Variants in SMCHD1 observed in about 807,000 individuals in gnomAD.
SMCHD1 encodes the protein structural maintenance of chromosomes flexible hinge domain containing 1.
A neutral mutation model predicts 254.7 loss-of-function variants in SMCHD1; 78 were observed. That is an observed-to-expected ratio of 0.31 (90% CI 0.26 to 0.37). The LOEUF (loss-of-function observed/expected upper bound fraction) is 0.37. Among genes scored for constraint, SMCHD1 ranks in the 10% least tolerant of loss-of-function variants. The probability of loss-of-function intolerance (pLI) is 1.00; values close to 1 mark genes in which losing one functional copy is unlikely to be tolerated. For missense variants in SMCHD1, 1,840 were observed against 2,408.1 expected, an observed-to-expected ratio of 0.76 and a Z score of 4.94; for synonymous variants, 766 against 794.9, an observed-to-expected ratio of 0.96 and a Z score of 0.61.
intron 46 of SMCHD1, 121 bp downstream of exon 46, chr18:2,796,228 T>A: frequency 9.9e-7 from 1 of 1,008,382 alleles, no homozygotes; most frequent in Non-Finnish European, 1.4e-6. Flanking sequence ...CAAAAACTCT[T>A]AACCTCCAAG....
At chr18:2,723,698 G>C (rs760868942) in intron 20 of SMCHD1, among the ~76,000 whole-genome samples, 8 of 152,132 alleles carry the variant, frequency 5.3e-5, no homozygotes, top group Non-Finnish European at 8.8e-5. Flanking sequence ...CTTATCTGCT[G>C]TCCCTGGTTC....
intron 21 of SMCHD1, 116 bp downstream of exon 21, chr18:2,725,111 A>G (rs1387319702): frequency 3.6e-6 from 2 of 562,462 alleles, no homozygotes; most frequent in African/African-American, 1.9e-5. Context: ...GATGACAGTA[A>G]TTGGGTTCTT....
chr18:2,688,840 A>T (rs1288154162), intron 7 of SMCHD1, 93 bp downstream of exon 7: 1 of 793,632 alleles, frequency 1.3e-6, no homozygotes, highest in Non-Finnish European at 1.9e-6. Context: ...TTTCAAAATG[A>T]GTTACCCTTT....
At chr18:2,678,393 T>A (rs1335923277) in intron 5 of SMCHD1, among the ~76,000 whole-genome samples, 1 of 151,228 alleles carries the variant, frequency 6.6e-6, no homozygotes, top group African/African-American at 2.4e-5. Context: ...CTCCACCTCC[T>A]GGGTTCCAGC....
At position 2,728,544 on chromosome 18, in the gene SMCHD1, T is replaced by C. The variant is rs1404860769; in HGVS notation, c.2861T>C (p.Leu954Ser). The change falls in exon 23 of 48, where the codon TTA becomes TCA. Residue 954 changes from leucine to serine, a missense_variant. This residue lies in a region of SMCHD1 where 881 missense variants were observed against 1,009.5 expected (regional missense o/e 0.87). Coordinates refer to ENST00000320876, the MANE Select transcript of SMCHD1 (RefSeq NM_015295.3). ...GTAFPFQVEV[L>S]DESDNITAQP... ...GCTTTCCCATTTCAGGTGGAAGTTT[T>C]AGATGAATCAGACAACATAACAGCA... is the stretch of plus-strand genomic sequence containing the variant. 1.2e-6 allele frequency: 2 copies of C among 1,613,248 alleles called. No individual in the cohort carries two copies. The highest frequency in any genetic ancestry group is 1.7e-6 in the Non-Finnish European group (2 of 1,179,576).
At chr18:2,659,161 G>A (rs192838967) in intron 1 of SMCHD1, among the ~76,000 whole-genome samples, 1 of 151,986 alleles carries the variant, frequency 6.6e-6, no homozygotes, top group African/African-American at 2.4e-5. Context: ...TCTGTTGCCC[G>A]GGCTGGAGTG....
chr18:2,740,574 T>A, intron 27 of SMCHD1, 129 bp from the exon 28 acceptor site: 1 of 416,280 alleles, frequency 2.4e-6, no homozygotes, highest in Non-Finnish European at 4.2e-6. Flanking sequence ...ATAATTATTA[T>A]TTTTGTACCA....
intron 17 of SMCHD1, 50 bp downstream of exon 17, chr18:2,707,970 T>C: frequency 9.0e-7 from 1 of 1,113,530 alleles, no homozygotes; most frequent in Non-Finnish European, 1.3e-6. Context: ...TAAAATATAA[T>C]ATCAAATTAA....
intron 19 of SMCHD1, among the ~76,000 whole-genome samples, chr18:2,721,686 A>C (rs1422172598): frequency 1.3e-5 from 2 of 152,238 alleles, no homozygotes; most frequent in Non-Finnish European, 2.9e-5. Flanking sequence ...AATTGACTGC[A>C]TGCTCATTCC....
At position 2,763,877 on chromosome 18, in the gene SMCHD1, T is replaced by C. The variant is rs189772051; in HGVS notation, c.4719+88T>C. ...TAAGACACCTTTTCTTTTGTATAGC[T>C]ATGAAGATGTTCTAATCATAGCACT... On this transcript the variant is annotated intron_variant, in intron 37 of 47. Transcript: ENST00000320876. The C allele has an allele frequency of 5.9e-5, 72 of 1,210,154 alleles. 1 individual carries two copies. In the African/African-American group the frequency reaches 1.1e-3, roughly 18 times the overall value. The allele number at this position is 1,210,154 out of a possible 1,614,324, so 75.0% of individuals were successfully genotyped here.
chr18:2,688,287 G>T, intron 5 of SMCHD1, 107 bp from the exon 6 acceptor site: 1 of 733,318 alleles, frequency 1.4e-6, no homozygotes, highest in South Asian at 1.6e-5. Context: ...AGTTAGGGGT[G>T]TTTGCAGGCG....
chr18:2,670,156 C>G (rs1331296025), intron 3 of SMCHD1, among the ~76,000 whole-genome samples: 1 of 152,158 alleles, frequency 6.6e-6, no homozygotes, highest in Non-Finnish European at 1.5e-5. Flanking sequence ...ACACCAAAGT[C>G]GTTACAGTTG....
chr18:2,760,811 A>G, intron 35 of SMCHD1, 72 bp downstream of exon 35: 2 of 762,098 alleles, frequency 2.6e-6, no homozygotes, highest in Non-Finnish European at 4.4e-6. Flanking sequence ...GTTCTGCATT[A>G]CATGAAATAG....
intron 41 of SMCHD1, among the ~76,000 whole-genome samples, chr18:2,773,495 A>G (rs2076016401): frequency 6.6e-6 from 1 of 152,206 alleles, no homozygotes; most frequent in African/African-American, 2.4e-5. Context: ...TTCGTTTTAC[A>G]TAGTTTCTCT....
intron 45 of SMCHD1, among the ~76,000 whole-genome samples, chr18:2,793,761 A>G (rs1161573477): frequency 6.6e-6 from 1 of 152,106 alleles, no homozygotes; most frequent in East Asian, 1.9e-4. Context: ...TCTTGTCGTC[A>G]CTCAGTTTCA....
chr18:2,685,430 T>TA (rs1277623418), intron 5 of SMCHD1, among the ~76,000 whole-genome samples: 1 of 152,194 alleles, frequency 6.6e-6, no homozygotes, highest in Non-Finnish European at 1.5e-5. Flanking sequence ...AGTTCTCTTT[T>TA]AAAAAATTGT....
At chr18:2,787,508 A>G (rs2076258082) in intron 45 of SMCHD1, among the ~76,000 whole-genome samples, 1 of 146,622 alleles carries the variant, frequency 6.8e-6, no homozygotes, top group Non-Finnish European at 1.5e-5. Context: ...GGACACATAC[A>G]GTCTCTACAA....
Position 2,782,216 on chromosome 18 carries a change from CCAGAATTTG to C in SMCHD1, c.5548-2222_5548-2214del, listed in dbSNP as rs528848542. On this transcript the variant is annotated intron_variant, in intron 44 of 47. Coordinates refer to ENST00000320876, the MANE Select transcript of SMCHD1 (RefSeq NM_015295.3). The stretch of plus-strand genomic sequence containing the variant: ...TTTCAGAGTTGTAATATTGTTCATT[CCAGAATTTG>C]CAGAATTTGCAAACACCATGATAAC... Among the ~76,000 whole-genome samples, 9 of 152,208 alleles carry C rather than the reference CCAGAATTTG, an allele frequency of 5.9e-5. No individual in the cohort carries two copies. In the South Asian group the frequency reaches 1.5e-3, roughly 25 times the overall value.
At chr18:2,759,995 T>C (rs2075758415) in intron 34 of SMCHD1, among the ~76,000 whole-genome samples, 1 of 152,246 alleles carries the variant, frequency 6.6e-6, no homozygotes, top group East Asian at 1.9e-4. Context: ...AATTCAAGTA[T>C]GTATTCAAAG....
Sources: allele counts gnomAD v4.1 joint callset (sites outside exome capture counted in the v4.1 genomes callset), GRCh38; gene constraint gnomAD v4.1.1; regional missense constraint gnomAD v4.1.1; transcripts MANE v1.5; gene names NCBI Gene and HGNC (gene_info 2026-07-23, HGNC 2026-07-21).